WDR64: variants seen among roughly 807,000 people sequenced by gnomAD.
WDR64 encodes WD repeat domain 64.
WDR64 carries 112 observed loss-of-function variants against 139.3 expected under a neutral mutation model. That is an observed-to-expected ratio of 0.80 (90% CI 0.69 to 0.94). The LOEUF is 0.94. Ranked by LOEUF, WDR64 falls within the 40% of genes least tolerant of loss-of-function variation. The pLI, the probability that WDR64 is intolerant of heterozygous loss-of-function variation, is 0.00. For missense variants in WDR64, 1,206 were observed against 1,293.1 expected (o/e 0.93, Z 1.03); for synonymous variants, 444 against 437.7 (o/e 1.01, Z -0.18).
intron 14 of WDR64, among the ~76,000 whole-genome samples, chr1:241,756,849 T>C (rs1294537374): frequency 1.3e-5 from 2 of 152,184 alleles, no homozygotes; most frequent in Non-Finnish European, 2.9e-5. Flanking sequence ...GACAAATAAA[T>C]TGTAGTATGT....
rs146683597 is a variant in WDR64, at chr1:241,772,875, C to T, written c.2374C>T (p.Pro792Ser). ...PGIANLPEAQ[P>S]PILVTAHEDG... ...AATTGCCAATTTACCAGAAGCCCAG[C>T]CACCTATCCTTGTCACTGCTCATGA... Residue 792 changes from proline to serine, a missense_variant, in exon 20 of 28, where the codon CCA (proline) becomes TCA (serine). Coordinates refer to ENST00000437684, the MANE Select transcript of WDR64 (RefSeq NM_001367482.1). The T allele has an allele frequency of 2.3e-4, 355 of 1,552,002 alleles. No individual in the cohort carries two copies. Among genetic ancestry groups the T allele is most frequent in the Non-Finnish European group, 3.0e-4 (340 of 1,147,058 alleles).
chr1:241,753,915 A>T (rs1670074231), intron 14 of WDR64, among the ~76,000 whole-genome samples: 1 of 152,226 alleles, frequency 6.6e-6, no homozygotes, highest in African/African-American at 2.4e-5. Flanking sequence ...TATCATTATT[A>T]CATTCAAATT....
intron 24 of WDR64, among the ~76,000 whole-genome samples, chr1:241,788,805 GGCCA>G (rs1659129978): frequency 6.6e-6 from 1 of 152,272 alleles, no homozygotes; most frequent in South Asian, 2.1e-4. Flanking sequence ...TACTTTGGCT[GGCCA>G]GTAAGGAGCA....
intron 8 of WDR64, among the ~76,000 whole-genome samples, chr1:241,708,708 TTTTG>T (rs1272737585): frequency 0.19 from 17,316 of 92,352 alleles, 2,670 homozygotes; most frequent in African/African-American, 0.23. Flanking sequence ...TTTTTTGTTT[TTTTG>T]TTTTTTTTTT....
intron 14 of WDR64, among the ~76,000 whole-genome samples, chr1:241,754,727 C>A (rs550382058): frequency 3.3e-5 from 5 of 152,192 alleles, no homozygotes; most frequent in South Asian, 2.1e-4. Flanking sequence ...CCTAGCCCCC[C>A]ACCCCCTGAC....
chr1:241,793,383 T>C (rs1299294797), intron 25 of WDR64, among the ~76,000 whole-genome samples: 1 of 152,130 alleles, frequency 6.6e-6, no homozygotes, highest in Non-Finnish European at 1.5e-5. Flanking sequence ...TCCACAAGTG[T>C]CCACTGAATG....
chr1:241,739,326 C>G (rs1043702592), intron 11 of WDR64, among the ~76,000 whole-genome samples: 6 of 152,144 alleles, frequency 3.9e-5, no homozygotes, highest in African/African-American at 1.4e-4. Context: ...GAGTGAATTT[C>G]CTAAGCATTT....
chr1:241,694,055 C>T (rs1011644088), intron 8 of WDR64, among the ~76,000 whole-genome samples: 8 of 151,762 alleles, frequency 5.3e-5, no homozygotes, highest in African/African-American at 1.9e-4. Flanking sequence ...GTCCCCCTAA[C>T]AAAATGCATG....
At chr1:241,800,146 A>G (rs538666879) in intron 27 of WDR64, among the ~76,000 whole-genome samples, 1 of 152,330 alleles carries the variant, frequency 6.6e-6, no homozygotes, top group South Asian at 2.1e-4. Context: ...TGCAGCTTGG[A>G]AAGTTCCCTC....
intron 16 of WDR64, among the ~76,000 whole-genome samples, chr1:241,767,373 A>C (rs1658222523): frequency 6.6e-6 from 1 of 152,052 alleles, no homozygotes; most frequent in Admixed American, 6.6e-5. Context: ...GAAGGAACTA[A>C]AGTAACACTG....
chr1:241,731,977 A>T (rs1386564622), intron 10 of WDR64, among the ~76,000 whole-genome samples: 2 of 152,192 alleles, frequency 1.3e-5, no homozygotes, highest in Non-Finnish European at 2.9e-5. Context: ...TACCATTTGT[A>T]TGTAGTACTA....
At chr1:241,663,133 A>C (rs2148059848) in intron 2 of WDR64, among the ~76,000 whole-genome samples, 2 of 152,338 alleles carry the variant, frequency 1.3e-5, no homozygotes, top group East Asian at 3.9e-4. Flanking sequence ...TCACAAAAGC[A>C]ACAAATAGGA....
chr1:241,771,831 CATAT>C, intron 19 of WDR64, 134 bp downstream of exon 19: 1 of 348,996 alleles, frequency 2.9e-6, no homozygotes, highest in Middle Eastern at 9.2e-4. Flanking sequence ...CATATACATT[CATAT>C]ATATTCATTA....
At chr1:241,752,705 G>A (rs1670024019) in intron 14 of WDR64, among the ~76,000 whole-genome samples, 1 of 152,094 alleles carries the variant, frequency 6.6e-6, no homozygotes, top group South Asian at 2.1e-4. Flanking sequence ...GTAAAAATTA[G>A]CCAGGCATGG....
At chr1:241,668,917 C>T (rs1413025220) in intron 2 of WDR64, among the ~76,000 whole-genome samples, 1 of 151,876 alleles carries the variant, frequency 6.6e-6, no homozygotes. Context: ...AAAAAATACC[C>T]TTAAAGACAG....
At chr1:241,772,965 G>A (rs751904522) in intron 20 of WDR64, 34 bp downstream of exon 20, 5 of 1,527,600 alleles carry the variant, frequency 3.3e-6, no homozygotes, top group Non-Finnish European at 4.4e-6. Flanking sequence ...GAATAGGAAA[G>A]AATGGGAAAG....
At chr1:241,667,625 G>A (rs138188232) in intron 2 of WDR64, among the ~76,000 whole-genome samples, 1 of 152,196 alleles carries the variant, frequency 6.6e-6, no homozygotes, top group Non-Finnish European at 1.5e-5. Flanking sequence ...GACATAGGAG[G>A]GCCCATGTAC....
At chr1:241,686,643 G>A (rs930186674) in intron 7 of WDR64, among the ~76,000 whole-genome samples, 9 of 152,294 alleles carry the variant, frequency 5.9e-5, no homozygotes, top group Middle Eastern at 3.4e-3. Context: ...GGTTTTGTCT[G>A]TAACCTTAAG....
chr1:241,780,145 T>G, intron 22 of WDR64, 83 bp downstream of exon 22: 1 of 1,165,704 alleles, frequency 8.6e-7, no homozygotes, highest in Non-Finnish European at 1.2e-6. Context: ...CCATAAAGGA[T>G]AGAAATACAA....
Sources: gnomAD v4.1 joint callset for allele counts (sites outside exome capture counted in the v4.1 genomes callset) on GRCh38, gnomAD v4.1.1 for gene constraint, MANE v1.5 for transcripts, NCBI Gene and HGNC (gene_info 2026-07-23, HGNC 2026-07-21) for gene names.